NPAT: variants seen among roughly 807,000 people sequenced by gnomAD.
The protein encoded by NPAT is protein NPAT.
Under a neutral mutation model 130.7 loss-of-function variants are expected in NPAT, and 52 were observed. The ratio of observed to expected loss-of-function variants is 0.40; its 90% CI spans 0.32 to 0.50. The LOEUF is 0.50. Among genes scored for constraint, NPAT ranks in the 20% least tolerant of loss-of-function variants. The pLI is 0.68. For synonymous variants in NPAT, 580 were observed against 584.8 expected (o/e 0.99, Z 0.12); for missense variants, 1,687 against 1,662.6 (o/e 1.01, Z -0.26).
intron 1 of NPAT, among the ~76,000 whole-genome samples, chr11:108,218,373 AG>A (rs2078453959): frequency 2.0e-5 from 3 of 152,218 alleles, no homozygotes; most frequent in African/African-American, 7.2e-5. Flanking sequence ...ATAAAAAGAG[AG>A]GTTTAAAGCA....
At chr11:108,195,307 C>A (rs543587856) in intron 2 of NPAT, among the ~76,000 whole-genome samples, 6 of 152,290 alleles carry the variant, frequency 3.9e-5, no homozygotes, top group African/African-American at 1.2e-4. Context: ...TTAATTCTTA[C>A]CAGTAAGAAA....
rs1289096489 is a variant in NPAT, at chr11:108,161,528, T to G, written c.3558A>C (p.Leu1186=). 6.2e-7 allele frequency: 1 copy of G among 1,614,220 alleles called. No individual in the cohort carries two copies. The highest frequency in any genetic ancestry group is 8.5e-7 in the Non-Finnish European group (1 of 1,180,036). The part of the protein sequence containing the change: ...ERQKNPENSK[L]SIGQQNGGLR... ...AACCCCCATTTTGCTGCCCAATAGA[T>G]AGTTTTGAATTTTCTGGATTTTTCT... Residue 1186 remains leucine (L), a synonymous_variant, in exon 17 of 18, where the codon CTA becomes CTC. Coordinates refer to ENST00000278612, the MANE Select transcript of NPAT (RefSeq NM_002519.3).
At chr11:108,196,378 T>A (rs1049352710) in intron 2 of NPAT, among the ~76,000 whole-genome samples, 1 of 152,264 alleles carries the variant, frequency 6.6e-6, no homozygotes, top group South Asian at 2.1e-4. Flanking sequence ...TCTGGTAATG[T>A]GAGTCCTCCA....
chr11:108,182,405 G>A (rs918701944), intron 10 of NPAT, among the ~76,000 whole-genome samples: 1 of 152,290 alleles, frequency 6.6e-6, no homozygotes, highest in Non-Finnish European at 1.5e-5. Context: ...AGCTTTCAGA[G>A]GGACTTTCAG....
At chr11:108,192,064 C>T in intron 4 of NPAT, 54 bp downstream of exon 4, 3 of 1,199,846 alleles carry the variant, frequency 2.5e-6, no homozygotes, top group Non-Finnish European at 3.7e-6. Flanking sequence ...AAGATTTAAA[C>T]CCAAAGTGTA....
intron 12 of NPAT, among the ~76,000 whole-genome samples, chr11:108,175,179 G>T (rs2077993754): frequency 6.6e-6 from 1 of 152,060 alleles, no homozygotes; most frequent in African/African-American, 2.4e-5. Flanking sequence ...ACAGTATATT[G>T]TTATAACTGT....
rs751673900 is a variant in NPAT at position 108,193,945 on chromosome 11, C to T, written c.217+12G>A. 2.4e-5 allele frequency: 36 copies of T among 1,524,690 alleles called. No individual in the cohort carries two copies. Among genetic ancestry groups the T allele is most frequent in the Non-Finnish European group, 3.2e-5 (35 of 1,099,968 alleles). 94.4% of individuals were successfully genotyped at this position (1,524,690 alleles called of 1,614,324 possible). On this transcript the variant is annotated intron_variant, in intron 3 of 17. Transcript: ENST00000278612. Reference sequence around the variant, plus strand: ...ATACATCAGCAAAAAAACTCCAAATCAGAACTCTTACCTTTTGTTTTCATA... The same window carrying T: ...ATACATCAGCAAAAAAACTCCAAATTAGAACTCTTACCTTTTGTTTTCATA...
chr11:108,217,077 G>A (rs1259406037), intron 1 of NPAT, among the ~76,000 whole-genome samples: 1 of 152,206 alleles, frequency 6.6e-6, no homozygotes, highest in East Asian at 1.9e-4. Context: ...CCCCATGCCT[G>A]CATGGGTTTT....
rs529503164 is a variant in NPAT at position 108,159,125 on chromosome 11, T to G, written c.4207-106A>C. The G allele has an allele frequency of 3.6e-5, 25 of 694,208 alleles. No individual in the cohort carries two copies. In the African/African-American group the frequency reaches 4.0e-4, roughly 11 times the overall value. The allele number at this position is 694,208 out of a possible 1,614,324, so 43.0% of individuals were successfully genotyped here. On this transcript the variant is annotated intron_variant, in intron 17 of 17. Transcript: ENST00000278612. ...GGGTTCTTTCACATACTACTAAAAT[T>G]GTCAAACTTTTTTAGTCTATTAGAA...
chr11:108,159,069 T>C, intron 17 of NPAT, 50 bp from the exon 18 acceptor site: 1 of 1,213,818 alleles, frequency 8.2e-7, no homozygotes, highest in South Asian at 1.2e-5. Context: ...GCCAAAATGC[T>C]TTCTTAGTAA....
At position 108,157,752 on chromosome 11, in the gene NPAT, T is replaced by C. The variant is rs1456994344; in HGVS notation, c.*1190A>G. 1.3e-5 allele frequency: 2 copies of C among 152,496 alleles called. No individual in the cohort carries two copies. Among genetic ancestry groups the C allele is most frequent in the African/African-American group, 2.4e-5 (1 of 41,436 alleles). The allele number at this position is 152,496 out of a possible 1,614,324, so 9.4% of individuals were successfully genotyped here. On this transcript the variant is annotated 3_prime_UTR_variant, in exon 18 of 18. Transcript: ENST00000278612. ...AACATACTTTAATATCTAGGCACAA[T>C]TGGTCAGGTACTAATTATAATTTCT...
intron 1 of NPAT, among the ~76,000 whole-genome samples, chr11:108,219,294 G>A (rs1389201390): frequency 6.6e-6 from 1 of 152,048 alleles, no homozygotes; most frequent in African/African-American, 2.4e-5. Flanking sequence ...TCCACGTTCC[G>A]CAGTCAAACC....
At chr11:108,187,258 C>T (rs2078116205) in intron 7 of NPAT, among the ~76,000 whole-genome samples, 1 of 152,094 alleles carries the variant, frequency 6.6e-6, no homozygotes, top group Non-Finnish European at 1.5e-5. Flanking sequence ...TCAGACCAGC[C>T]TGGGCAACAA....
intron 13 of NPAT, among the ~76,000 whole-genome samples, chr11:108,170,533 A>G (rs1408126945): frequency 6.6e-6 from 1 of 152,200 alleles, no homozygotes; most frequent in African/African-American, 2.4e-5. Context: ...GGGGTAAGGT[A>G]AGCACGTAAC....
At chr11:108,206,930 G>A (rs1591415190) in intron 1 of NPAT, among the ~76,000 whole-genome samples, 1 of 151,938 alleles carries the variant, frequency 6.6e-6, no homozygotes, top group African/African-American at 2.4e-5. Flanking sequence ...ACCCACAGTG[G>A]GAAGCTCCTT....
intron 1 of NPAT, among the ~76,000 whole-genome samples, chr11:108,209,366 C>T (rs111640383): frequency 0.022 from 3,285 of 151,656 alleles, 119 homozygotes; most frequent in African/African-American, 0.075. Flanking sequence ...ACCTATTTGG[C>T]AGGCTGAGGC....
chr11:108,186,936 A>G (rs1010791348), intron 7 of NPAT, among the ~76,000 whole-genome samples: 3 of 152,242 alleles, frequency 2.0e-5, no homozygotes, highest in Non-Finnish European at 2.9e-5. Context: ...AACAAAGGGA[A>G]GTACAAAAAG....
intron 4 of NPAT, among the ~76,000 whole-genome samples, chr11:108,191,845 G>A (rs2078172701): frequency 6.6e-6 from 1 of 152,164 alleles, no homozygotes; most frequent in Admixed American, 6.5e-5. Flanking sequence ...TAGGTGATTT[G>A]TATTCTAACA....
Position 108,161,459 on chromosome 11 carries a change from T to A in NPAT, c.3627A>T (p.Lys1209Asn), listed in dbSNP as rs752331295. ...KSIASLQEMT[K>N]KQGTSSNNKN... ...TATTGTTTGAAGATGTGCCTTGTTT[T>A]TTGGTCATTTCTTGCAGTGAAGCTA... Residue 1209 changes from lysine (K) to asparagine (N), a missense_variant, in exon 17 of 18, where the codon AAA becomes AAT. Physicochemically the swap from Lys to Asn is moderately conservative, Grantham distance 94. Around this residue, in one of 3 missense-constraint regions of NPAT, gnomAD observed 1,379 missense variants for 1,346.6 expected, o/e 1.02. Transcript: ENST00000278612. 1.2e-6 allele frequency: 2 copies of A among 1,614,238 alleles called. No homozygotes were observed. The highest frequency in any genetic ancestry group is 2.2e-5 in the South Asian group (2 of 91,086).
Sources: allele counts gnomAD v4.1 joint callset (sites outside exome capture counted in the v4.1 genomes callset), GRCh38; gene constraint gnomAD v4.1.1; regional missense constraint gnomAD v4.1.1; transcripts MANE v1.5; gene names NCBI Gene and HGNC (gene_info 2026-07-23, HGNC 2026-07-21).